Variants in SGCD observed in about 807,000 individuals in gnomAD.
SGCD encodes delta-sarcoglycan.
SGCD carries 18 observed loss-of-function variants against 36.6 expected under a neutral mutation model. The observed-to-expected ratio is 0.49, with a 90% CI of 0.34 to 0.73. The LOEUF (loss-of-function observed/expected upper bound fraction) is 0.73. SGCD is among the 30% of genes least tolerant of loss of function. The pLI is 0.01. For missense variants in SGCD, 387 were observed against 346.7 expected (o/e 1.12, Z -0.92); for synonymous variants, 133 against 130.6 (o/e 1.02, Z -0.12).
At chr5:155,842,398 C>T in the SGCD span, among the ~76,000 whole-genome samples, 2 of 151,890 alleles carry the variant, frequency 1.3e-5, no homozygotes, top group Non-Finnish European at 2.9e-5. Context: ...CATGGTGAAA[C>T]CCTGTCTCTA....
Position 156,270,996 on chromosome 5 carries a change from A to C in SGCD, c.-43-58538A>C, listed in dbSNP as rs959922571. Among the ~76,000 whole-genome samples the C allele has an allele frequency of 1.5e-4, 23 of 152,174 alleles. 1 individual carries two copies. The highest frequency in any genetic ancestry group is 3.1e-4 in the Non-Finnish European group (21 of 68,034). On this transcript the variant is annotated intron_variant, in intron 3 of 9. Coordinates refer to the SGCD transcript ENST00000517913. ...AACTCAGGGAAGTGTAAATGGCAAA[A>C]AAACTTAAAGATGTCTCTTCCACCA...
chr5:156,706,906 AT>A (rs1317590225), intron 7 of SGCD, among the ~76,000 whole-genome samples: 2 of 152,094 alleles, frequency 1.3e-5, no homozygotes, highest in Non-Finnish European at 2.9e-5. Flanking sequence ...CCTTTTTGAG[AT>A]GCAAAAGCCA....
intron 1 of SGCD, among the ~76,000 whole-genome samples, chr5:156,108,228 T>TA (rs1319198700): frequency 6.6e-6 from 1 of 152,102 alleles, no homozygotes; most frequent in African/African-American, 2.4e-5. Flanking sequence ...AAATGTTAAT[T>TA]AAAAAAATTT....
chr5:156,232,292 C>T (rs537737926), intron 3 of SGCD, among the ~76,000 whole-genome samples: 2 of 152,192 alleles, frequency 1.3e-5, no homozygotes, highest in East Asian at 1.9e-4. Flanking sequence ...CTTAAGAATC[C>T]CTACTTGATT....
the SGCD span, among the ~76,000 whole-genome samples, chr5:155,810,662 A>G: frequency 1.3e-5 from 2 of 152,084 alleles, no homozygotes; most frequent in Admixed American, 1.3e-4. Flanking sequence ...TTATGAGAAA[A>G]CATTCACCTG....
At chr5:156,439,838 C>T (rs1205365260) in intron 3 of SGCD, among the ~76,000 whole-genome samples, 1 of 152,062 alleles carries the variant, frequency 6.6e-6, no homozygotes, top group African/African-American at 2.4e-5. Context: ...TAATGAATAT[C>T]TTGTTGTATC....
intron 3 of SGCD, among the ~76,000 whole-genome samples, chr5:156,463,589 G>A (rs1376048697): frequency 2.0e-5 from 3 of 152,098 alleles, no homozygotes; most frequent in African/African-American, 7.2e-5. Flanking sequence ...GGAACAGAAA[G>A]GGAGAACTGA....
At chr5:156,710,634 T>C (rs1241224915) in intron 7 of SGCD, among the ~76,000 whole-genome samples, 2 of 152,216 alleles carry the variant, frequency 1.3e-5, no homozygotes, top group African/African-American at 4.8e-5. Context: ...TAAAGGTGGA[T>C]TCAAAGATAT....
chr5:156,018,470 A>T (rs1044172204), intron 1 of SGCD, among the ~76,000 whole-genome samples: 1 of 152,212 alleles, frequency 6.6e-6, no homozygotes, highest in African/African-American at 2.4e-5. Flanking sequence ...GAGATATTGG[A>T]TATTTATTTT....
intron 7 of SGCD, among the ~76,000 whole-genome samples, chr5:156,726,181 T>G (rs1755764537): frequency 6.6e-6 from 1 of 152,204 alleles, no homozygotes; most frequent in Non-Finnish European, 1.5e-5. Flanking sequence ...TGCATCTTGT[T>G]TTCTTTTCAG....
intron 1 of SGCD, among the ~76,000 whole-genome samples, chr5:155,975,414 G>A (rs1758091034): frequency 6.6e-6 from 1 of 151,932 alleles, no homozygotes; most frequent in South Asian, 2.1e-4. Flanking sequence ...ACAATGCACA[G>A]GACGGTCCCC....
At chr5:156,731,894 G>C (rs1756094518) in intron 7 of SGCD, among the ~76,000 whole-genome samples, 1 of 152,014 alleles carries the variant, frequency 6.6e-6, no homozygotes, top group African/African-American at 2.4e-5. Flanking sequence ...GTATTCCTGG[G>C]TATTTTATTA....
chr5:156,465,969 G>A (rs1333220835), intron 3 of SGCD, among the ~76,000 whole-genome samples: 2 of 152,188 alleles, frequency 1.3e-5, no homozygotes, highest in Non-Finnish European at 2.9e-5. Context: ...GAAGTTCGTA[G>A]TTGGTATGTG....
chr5:155,950,756 G>A (rs1389762266), intron 1 of SGCD, among the ~76,000 whole-genome samples: 1 of 152,020 alleles, frequency 6.6e-6, no homozygotes, highest in Non-Finnish European at 1.5e-5. Context: ...TTGATGACTT[G>A]AATTATGCCA....
intron 3 of SGCD, among the ~76,000 whole-genome samples, chr5:156,232,182 C>T (rs571837761): frequency 1.3e-5 from 2 of 152,250 alleles, no homozygotes; most frequent in African/African-American, 4.8e-5. Context: ...CTCCATAGGC[C>T]TCCATTTAAT....
chr5:156,079,200 T>C (rs941070243), intron 1 of SGCD, among the ~76,000 whole-genome samples: 1 of 151,818 alleles, frequency 6.6e-6, no homozygotes, highest in African/African-American at 2.4e-5. Flanking sequence ...AACAACCAGA[T>C]CTCTTGGGTA....
At chr5:156,620,159 T>C (rs910944796) in intron 6 of SGCD, among the ~76,000 whole-genome samples, 1 of 152,228 alleles carries the variant, frequency 6.6e-6, no homozygotes, top group African/African-American at 2.4e-5. Context: ...TATCAATCTC[T>C]GAAAGCCTCT....
chr5:156,093,157 A>G (rs1041487859), intron 1 of SGCD, among the ~76,000 whole-genome samples: 1 of 152,114 alleles, frequency 6.6e-6, no homozygotes, highest in African/African-American at 2.4e-5. Context: ...GGGCCCTTTA[A>G]TTTTGGGCAG....
chr5:156,751,485 C>T (rs902993368), intron 7 of SGCD, among the ~76,000 whole-genome samples: 1 of 152,096 alleles, frequency 6.6e-6, no homozygotes. Flanking sequence ...AATGTAAAAC[C>T]TCTGTTCATC....
Sources: allele counts gnomAD v4.1 joint callset (sites outside exome capture counted in the v4.1 genomes callset), GRCh38; gene constraint gnomAD v4.1.1; transcripts MANE v1.5; gene names NCBI Gene and HGNC (gene_info 2026-07-23, HGNC 2026-07-21).